Variants in MYCBP2 observed in about 807,000 individuals in gnomAD.
The protein encoded by MYCBP2 is E3 ubiquitin-protein ligase MYCBP2.
Under a neutral mutation model 525.3 loss-of-function variants are expected in MYCBP2, and 120 were observed. The ratio of observed to expected loss-of-function variants is 0.23; its 90% CI spans 0.20 to 0.27. MYCBP2 has a LOEUF of 0.27. Ranked by LOEUF, MYCBP2 falls within the 10% of genes least tolerant of loss-of-function variation. The probability of loss-of-function intolerance (pLI) is 1.00; values close to 1 mark genes in which losing one functional copy is unlikely to be tolerated. For missense variants in MYCBP2, 4,149 were observed against 5,657.1 expected, an observed-to-expected ratio of 0.73 and a Z score of 8.55; for synonymous variants, 1,894 against 1,955.8, an observed-to-expected ratio of 0.97 and a Z score of 0.83.
chr13:77,085,908 C>T lies in MYCBP2; in HGVS notation c.10875+1576G>A, dbSNP rs561965790. ...GAGTTCTGGGGTAGTTATGCAGGAA[C>T]AGATAGCTGTTACAGGTATATGACA... is the stretch of plus-strand genomic sequence containing the variant. On this transcript the variant is annotated intron_variant, in intron 62 of 82. Coordinates refer to ENST00000544440, the MANE Select transcript of MYCBP2 (RefSeq NM_015057.5). Among the ~76,000 whole-genome samples, 5 of 152,234 alleles carry T rather than the reference C, an allele frequency of 3.3e-5. No individual in the cohort carries two copies. In the East Asian group the frequency reaches 9.7e-4, roughly 29 times the overall value.
At chr13:77,054,778 T>G (rs2037556680) in intron 80 of MYCBP2, among the ~76,000 whole-genome samples, 1 of 152,086 alleles carries the variant, frequency 6.6e-6, no homozygotes, top group Non-Finnish European at 1.5e-5. Flanking sequence ...TTTTTGTATT[T>G]CTTGTAGAGA....
chr13:77,227,301 T>C (rs891061779), intron 18 of MYCBP2, among the ~76,000 whole-genome samples: 2 of 150,256 alleles, frequency 1.3e-5, no homozygotes, highest in African/African-American at 4.9e-5. Context: ...TGCTAAATTA[T>C]CTAATGTGGG....
chr13:77,060,304 G>A (rs962036225), intron 76 of MYCBP2, among the ~76,000 whole-genome samples: 1 of 152,086 alleles, frequency 6.6e-6, no homozygotes, highest in African/African-American at 2.4e-5. Context: ...TATTTAAAAA[G>A]GATGGTTTAC....
chr13:77,063,558 C>CAAAA (rs67648208), intron 73 of MYCBP2, among the ~76,000 whole-genome samples: 1 of 67,422 alleles, frequency 1.5e-5, no homozygotes, highest in Non-Finnish European at 3.0e-5. Flanking sequence ...AACTCTGTCT[C>CAAAA]AAAAAAAAAA....
rs760116175 is a variant in MYCBP2 at position 77,224,462 on chromosome 13, A to C, written c.2928T>G (p.Asp976Glu). ...YGQHGQLGHG[D>E]VNSRGCPTLV... ...AAGTTAGCAAGTACCTGGAGTTGAC[A>C]TCTCCATGTCCTAGCTGCCCATGCT... The change falls in exon 20 of 83, where the codon GAT (aspartate) becomes GAG (glutamate). Residue 976 changes from aspartate (D) to glutamate (E), a missense_variant. Transcript: ENST00000544440. The C allele has an allele frequency of 3.7e-6, 6 of 1,605,636 alleles. No individual in the cohort carries two copies. Among genetic ancestry groups the C allele is most frequent in the Non-Finnish European group, 4.3e-6 (5 of 1,175,160 alleles).
In MYCBP2 at chr13:77,326,710, G is replaced by C; in HGVS notation, c.66C>G (p.Phe22Leu). ...AGGAAGAGAAGGTGGCGGCTGGGTA[G>C]AATCCGTCCCCGCCGAGCCCCGAGG... ...AASSGLGGDG[F>L]YPAATFSSSP... The change falls in exon 1 of 83, where the codon TTC (phenylalanine) becomes TTG (leucine). Residue 22 changes from phenylalanine to leucine, a missense_variant. Transcript: ENST00000544440. The surrounding 1 kb of genome is among the most constrained non-coding windows in gnomAD (Gnocchi z 4.2). The C allele has an allele frequency of 1.4e-6, 2 of 1,425,272 alleles. No individual in the cohort carries two copies. Among genetic ancestry groups the C allele is most frequent in the South Asian group, 1.5e-5 (1 of 68,672 alleles). The allele number at this position is 1,425,272 out of a possible 1,614,324, so 88.3% of individuals were successfully genotyped here. A position where few individuals can be genotyped will look rare whatever the true frequency, so the allele number is the denominator to read the frequency against.
intron 26 of MYCBP2, among the ~76,000 whole-genome samples, chr13:77,199,896 C>A (rs1439176030): frequency 6.6e-6 from 1 of 152,176 alleles, no homozygotes; most frequent in Admixed American, 6.5e-5. Context: ...ATCTGTACAT[C>A]ACCATCATCA....
intron 1 of MYCBP2, among the ~76,000 whole-genome samples, chr13:77,325,467 T>C (rs1033811063): frequency 6.6e-6 from 1 of 151,794 alleles, no homozygotes; most frequent in Non-Finnish European, 1.5e-5. Flanking sequence ...AAGAAAACAA[T>C]AGGAGAGCCC....
rs971225968 is a variant in MYCBP2, at chr13:77,096,494, C to T, written c.9785-13G>A. On this transcript the variant is annotated splice_polypyrimidine_tract_variant and intron_variant, in intron 56 of 82. Transcript: ENST00000544440. ...TATCGGCCACAACCTTGAAACAATA[C>T]CAAAAATAAATATTTAACACTCCAA... The T allele has an allele frequency of 4.3e-6, 7 of 1,612,118 alleles. No homozygotes were observed. The highest frequency in any genetic ancestry group is 5.1e-6 in the Non-Finnish European group (6 of 1,178,944).
chr13:77,118,531 TATTC>T (rs1566597368), intron 55 of MYCBP2: 2 of 762,912 alleles, frequency 2.6e-6, no homozygotes, highest in Non-Finnish European at 4.8e-6. Context: ...TACAACTCGT[TATTC>T]ATTAACATCC....
chr13:77,096,618 C>A, intron 56 of MYCBP2, 137 bp from the exon 57 acceptor site: 2 of 890,622 alleles, frequency 2.2e-6, no homozygotes, highest in Non-Finnish European at 3.2e-6. Context: ...ATTTTTCAGG[C>A]TATTAACTAT....
At chr13:77,076,884 A>G (rs1286061918) in intron 67 of MYCBP2, 35 bp from the exon 68 acceptor site, 4 of 1,453,142 alleles carry the variant, frequency 2.8e-6, no homozygotes, top group African/African-American at 1.4e-5. Flanking sequence ...GGAATTAATG[A>G]CAGGCATTAA....
At chr13:77,235,045 G>C (rs1352182642) in intron 17 of MYCBP2, among the ~76,000 whole-genome samples, 11 of 152,064 alleles carry the variant, frequency 7.2e-5, no homozygotes, top group South Asian at 6.2e-4. Context: ...TGTATCCCAT[G>C]GGCTAAAATA....
chr13:77,296,041 C>T (rs1457806013), intron 2 of MYCBP2, among the ~76,000 whole-genome samples: 1 of 152,094 alleles, frequency 6.6e-6, no homozygotes, highest in Non-Finnish European at 1.5e-5. Context: ...ATATGTTCCC[C>T]AAAGGACTGA....
In MYCBP2 at chr13:77,326,525, G is replaced by A. The variant is rs2082337208; in HGVS notation, c.251C>T (p.Ala84Val). 2 of 1,599,156 alleles carry A rather than the reference G, an allele frequency of 1.3e-6. No individual in the cohort carries two copies. Among genetic ancestry groups the A allele is most frequent in the Admixed American group, 1.7e-5 (1 of 59,052 alleles). ...ADRYRRIYTAALNDRDQGGGS... is the reference protein window; with the variant it reads ...ADRYRRIYTAVLNDRDQGGGS... ...GCCCCCCTGGTCCCTGTCATTGAGC[G>A]CAGCGGTATAAATCCTCCGGTAGCG... The change falls in exon 1 of 83, where the codon GCG (alanine) becomes GTG (valine). Residue 84 changes from alanine (A) to valine (V), a missense_variant. Physicochemically the swap from Ala to Val is moderately conservative, Grantham distance 64. Around this residue, in one of 21 missense-constraint regions of MYCBP2, gnomAD observed 413 missense variants for 451.2 expected, o/e 0.92. Transcript: ENST00000544440. This position sits in a 1 kb window ranked among gnomAD's most constrained non-coding sequence, Gnocchi z 4.2.
chr13:77,171,718 T>C, intron 37 of MYCBP2, 84 bp from the exon 38 acceptor site: 3 of 1,302,978 alleles, frequency 2.3e-6, no homozygotes, highest in Non-Finnish European at 2.1e-6. Context: ...AGATCTGAGA[T>C]CCTCATTTAA....
intron 26 of MYCBP2, among the ~76,000 whole-genome samples, chr13:77,197,034 C>T (rs959298325): frequency 1.3e-5 from 2 of 151,978 alleles, no homozygotes; most frequent in Non-Finnish European, 2.9e-5. Flanking sequence ...AGTGTAGTGT[C>T]GTGGGGGACA....
chr13:77,288,292 G>A lies in MYCBP2; in HGVS notation c.463C>T (p.Arg155Cys). The A allele has an allele frequency of 3.1e-6, 5 of 1,613,986 alleles. No individual in the cohort carries two copies. The highest frequency in any genetic ancestry group is 4.2e-6 in the Non-Finnish European group (5 of 1,179,898). ...PSAFNIYCNV[R>C]HCVLEWQKKE... ...TTCTGCCATTCCAGAACGCAATGGC[G>A]TACATTACAGTAAATATTGAAAGCA... The change falls in exon 3 of 83, where the codon CGC becomes TGC. Residue 155 changes from arginine (R) to cysteine (C), a missense_variant. Coordinates refer to ENST00000544440, the MANE Select transcript of MYCBP2 (RefSeq NM_015057.5).
At chr13:77,243,337 G>A (rs188954710) in intron 16 of MYCBP2, among the ~76,000 whole-genome samples, 177 bp from the exon 17 acceptor site, 46 of 152,272 alleles carry the variant, frequency 3.0e-4, no homozygotes, top group Non-Finnish European at 5.6e-4. Flanking sequence ...TTCTGGCTAG[G>A]CATGGTGGCC....
Sources: gnomAD v4.1 joint callset for allele counts (sites outside exome capture counted in the v4.1 genomes callset) on GRCh38, gnomAD v4.1.1 for gene constraint, gnomAD v4.1.1 regional missense constraint, Gnocchi (gnomAD v3.1) non-coding constraint, MANE v1.5 for transcripts, NCBI Gene and HGNC (gene_info 2026-07-23, HGNC 2026-07-21) for gene names.